Variants in DLGAP1 observed in about 807,000 individuals in gnomAD.
The protein encoded by DLGAP1 is disks large-associated protein 1.
A neutral mutation model predicts 90.8 loss-of-function variants in DLGAP1; 11 were observed. That is an observed-to-expected ratio of 0.12 (90% CI 0.08 to 0.20). DLGAP1 has a LOEUF of 0.20. DLGAP1 is among the 10% of genes least tolerant of loss of function. The probability of loss-of-function intolerance (pLI) is 1.00; values close to 1 mark genes in which losing one functional copy is unlikely to be tolerated. For missense variants in DLGAP1, 1,050 were observed against 1,333.8 expected, an observed-to-expected ratio of 0.79 and a Z score of 3.31; for synonymous variants, 558 against 540.7, an observed-to-expected ratio of 1.03 and a Z score of -0.44.
chr18:3,910,558 C>T (rs2072009725), intron 3 of DLGAP1, among the ~76,000 whole-genome samples: 1 of 152,044 alleles, frequency 6.6e-6, no homozygotes, highest in Non-Finnish European at 1.5e-5. Context: ...GGTAGGTGAC[C>T]TCAGGTGAAG....
chr18:3,523,573 T>G (rs374716322), intron 10 of DLGAP1, among the ~76,000 whole-genome samples: 2 of 149,498 alleles, frequency 1.3e-5, no homozygotes, highest in Non-Finnish European at 1.5e-5. Flanking sequence ...TCCGACCAGG[T>G]GCGGTGGCTC....
chr18:3,732,443 T>C (rs567657370), intron 6 of DLGAP1, among the ~76,000 whole-genome samples: 1 of 151,638 alleles, frequency 6.6e-6, no homozygotes, highest in Non-Finnish European at 1.5e-5. Context: ...ACATTACTTG[T>C]TTACTTAATG....
At chr18:4,009,614 G>T (rs759198619) in intron 2 of DLGAP1, among the ~76,000 whole-genome samples, 3 of 152,158 alleles carry the variant, frequency 2.0e-5, no homozygotes, top group Non-Finnish European at 2.9e-5. Flanking sequence ...GGCAGGATAG[G>T]GTTCTCTTCC....
intron 7 of DLGAP1, among the ~76,000 whole-genome samples, chr18:3,584,031 C>T (rs2055729907): frequency 1.3e-5 from 2 of 152,100 alleles, no homozygotes; most frequent in Admixed American, 1.3e-4. Context: ...TTGGAGGCTC[C>T]CGACAGCAGC....
At chr18:4,185,105 C>T (rs2077269138) in intron 1 of DLGAP1, among the ~76,000 whole-genome samples, 1 of 152,058 alleles carries the variant, frequency 6.6e-6, no homozygotes, top group African/African-American at 2.4e-5. Context: ...CTGTTAAATA[C>T]TATTTACCTT....
intron 1 of DLGAP1, among the ~76,000 whole-genome samples, chr18:4,338,536 C>T (rs2081120898): frequency 6.6e-6 from 1 of 152,100 alleles, no homozygotes; most frequent in African/African-American, 2.4e-5. Flanking sequence ...GTACTGAGTG[C>T]CTATTATTTA....
intron 4 of DLGAP1, among the ~76,000 whole-genome samples, chr18:3,829,897 G>C (rs968454935): frequency 6.6e-6 from 1 of 152,162 alleles, no homozygotes; most frequent in Non-Finnish European, 1.5e-5. Context: ...ACAGGAATTC[G>C]GGTGGGCAGC....
At chr18:4,226,635 T>A (rs1293896713) in intron 1 of DLGAP1, among the ~76,000 whole-genome samples, 1 of 151,078 alleles carries the variant, frequency 6.6e-6, no homozygotes, top group East Asian at 1.9e-4. Context: ...CATTATCTGT[T>A]TAAACTAGTG....
At chr18:4,143,033 C>T (rs565037076) in intron 2 of DLGAP1, among the ~76,000 whole-genome samples, 11 of 152,246 alleles carry the variant, frequency 7.2e-5, no homozygotes, top group South Asian at 6.2e-4. Flanking sequence ...CACCTGTGGC[C>T]GCCACCACCA....
At chr18:4,251,176 T>C (rs1192082470) in intron 1 of DLGAP1, among the ~76,000 whole-genome samples, 2 of 152,176 alleles carry the variant, frequency 1.3e-5, no homozygotes, top group African/African-American at 4.8e-5. Context: ...GAGGGAGAGA[T>C]AGATAGACAG....
chr18:3,705,268 T>C (rs1291064989), intron 7 of DLGAP1, among the ~76,000 whole-genome samples: 1 of 152,094 alleles, frequency 6.6e-6, no homozygotes, highest in African/African-American at 2.4e-5. Context: ...TCCAGTTTAT[T>C]TTGTGGAAAG....
At chr18:4,019,003 A>C (rs2074566049) in intron 2 of DLGAP1, among the ~76,000 whole-genome samples, 1 of 152,162 alleles carries the variant, frequency 6.6e-6, no homozygotes, top group African/African-American at 2.4e-5. Flanking sequence ...AGCTGAAAGA[A>C]GTGAAAAACA....
chr18:3,774,642 C>T (rs1046042126), intron 5 of DLGAP1: 2 of 152,126 alleles, frequency 1.3e-5, no homozygotes, highest in African/African-American at 4.8e-5. Context: ...GGTTATTTGG[C>T]CTAACTTCTT....
chr18:3,949,675 T>C (rs2072946516), intron 3 of DLGAP1, among the ~76,000 whole-genome samples: 2 of 152,318 alleles, frequency 1.3e-5, no homozygotes, highest in South Asian at 4.1e-4. Context: ...ACTGGTTGTA[T>C]ATAGTTGACC....
rs561536109 is a variant in DLGAP1 at position 4,091,488 on chromosome 18, T to C, written c.-159+59692A>G. 3.3e-5 allele frequency among the ~76,000 whole-genome samples: 5 copies of C among 152,338 alleles called. No homozygotes were observed. In the East Asian group the frequency reaches 9.6e-4, roughly 29 times the overall value. On this transcript the variant is annotated intron_variant, in intron 2 of 12. Transcript: ENST00000315677. ...CCTTATTTTCTCTTTATATTCTGTC[T>C]CACATTTCAATTATACATATATTCA...
At chr18:3,624,500 G>C (rs761807921) in intron 7 of DLGAP1, among the ~76,000 whole-genome samples, 1 of 152,156 alleles carries the variant, frequency 6.6e-6, no homozygotes, top group Non-Finnish European at 1.5e-5. Flanking sequence ...TTTCAAAGCC[G>C]ACAGCCTGGC....
At chr18:4,200,325 T>C (rs2077584983) in intron 1 of DLGAP1, among the ~76,000 whole-genome samples, 1 of 151,930 alleles carries the variant, frequency 6.6e-6, no homozygotes, top group African/African-American at 2.4e-5. Flanking sequence ...TTTGTAAGTC[T>C]TACTAAAATG....
intron 3 of DLGAP1, among the ~76,000 whole-genome samples, chr18:3,959,432 C>T (rs1431338548): frequency 3.9e-5 from 6 of 152,026 alleles, no homozygotes; most frequent in East Asian, 3.9e-4. Context: ...TTTGGAAGGC[C>T]GAGGTGGGCA....
chr18:3,600,871 TAGATATATAG>T lies in DLGAP1; in HGVS notation c.1592-18633_1592-18624del, dbSNP rs1228884818. 3.7e-3 allele frequency among the ~76,000 whole-genome samples: 225 copies of T among 60,994 alleles called. 9 individuals carry two copies. Among genetic ancestry groups the T allele is most frequent in the Middle Eastern group, 9.3e-3 (1 of 108 alleles). The allele number at this position is 60,994 out of a possible 152,430, so 40.0% of individuals were successfully genotyped here. A position where few individuals can be genotyped will look rare whatever the true frequency, so the allele number is the denominator to read the frequency against. On this transcript the variant is annotated intron_variant, in intron 7 of 12. Coordinates refer to ENST00000315677, the MANE Select transcript of DLGAP1 (RefSeq NM_004746.4). ...AGATATATAGATATATATAGATATA[TAGATATATAG>T]ATAGATATATAGATATATATAGATA...
Sources: gnomAD v4.1 joint callset for allele counts (sites outside exome capture counted in the v4.1 genomes callset) on GRCh38, gnomAD v4.1.1 for gene constraint, MANE v1.5 for transcripts, NCBI Gene and HGNC (gene_info 2026-07-23, HGNC 2026-07-21) for gene names.